SLC44A2: variants seen among roughly 807,000 people sequenced by gnomAD.
SLC44A2 encodes solute carrier family 44 member 2 (CTL2 blood group).
Under a neutral mutation model 90.8 loss-of-function variants are expected in SLC44A2, and 57 were observed. That is an observed-to-expected ratio of 0.63 (90% CI 0.51 to 0.78). The LOEUF (loss-of-function observed/expected upper bound fraction) is 0.78. SLC44A2 is among the 30% of genes least tolerant of loss of function. SLC44A2 has a pLI of 0.00. For synonymous variants in SLC44A2, 355 were observed against 360.7 expected (o/e 0.98, Z 0.18); for missense variants, 794 against 919.7 (o/e 0.86, Z 1.77).
At chr19:10,635,763 TC>T (rs2067047836) in intron 14 of SLC44A2, 2 of 396,780 alleles carry the variant, frequency 5.0e-6, no homozygotes, top group Non-Finnish European at 8.9e-6. Flanking sequence ...CACCCATTTT[TC>T]CCTACTTCCT....
intron 4 of SLC44A2, among the ~76,000 whole-genome samples, chr19:10,630,846 A>G (rs957063099): frequency 6.7e-6 from 1 of 149,218 alleles, no homozygotes; most frequent in Non-Finnish European, 1.5e-5. Flanking sequence ...CTCTACTAAA[A>G]ATACAAAAAT....
At position 10,643,361 on chromosome 19, in the gene SLC44A2, C is replaced by G. The variant is rs141422864; in HGVS notation, c.2097C>G (p.Thr699=). ...SSTLKKLLNK[T]NKKAAES Reference sequence around the variant, plus strand: ...CCCTCAAGAAACTCTTGAACAAGACCAACAAGAAGGCAGCGGAGTCCTGAA... The same window carrying G: ...CCCTCAAGAAACTCTTGAACAAGACGAACAAGAAGGCAGCGGAGTCCTGAA... The change falls in exon 22 of 22, where the codon ACC becomes ACG. Residue 699 remains threonine, a synonymous_variant. Coordinates refer to ENST00000335757, the MANE Select transcript of SLC44A2 (RefSeq NM_020428.4). 105 of 1,612,884 alleles carry G rather than the reference C, an allele frequency of 6.5e-5. No individual in the cohort carries two copies. The African/African-American group carries it at 9.7e-4, about 15-fold the overall frequency.
At chr19:10,615,498 C>T (rs986160702) in intron 1 of SLC44A2, among the ~76,000 whole-genome samples, 7 of 151,202 alleles carry the variant, frequency 4.6e-5, no homozygotes, top group African/African-American at 9.7e-5. Flanking sequence ...CGCTTAAACC[C>T]GGGAGGCGGA....
upstream of SLC44A2, chr19:10,625,486 G>C: frequency 4.9e-6 from 6 of 1,219,530 alleles, no homozygotes; most frequent in African/African-American, 9.4e-5. Context: ...AGCTCGGGCC[G>C]GTCTGACCGG....
At chr19:10,623,102 A>G (rs76763645), upstream of SLC44A2, among the ~76,000 whole-genome samples, 1 of 151,982 alleles carries the variant, frequency 6.6e-6, no homozygotes, top group Non-Finnish European at 1.5e-5. Flanking sequence ...GGAAGAGAAG[A>G]GGCCTGTGGC....
chr19:10,632,206 C>G, intron 10 of SLC44A2, 50 bp downstream of exon 10: 1 of 1,507,058 alleles, frequency 6.6e-7, no homozygotes, highest in South Asian at 1.1e-5. Context: ...CGCACACTGC[C>G]CTGCCCTTTC....
chr19:10,628,518 C>A (rs902856369), intron 4 of SLC44A2, among the ~76,000 whole-genome samples: 6 of 152,096 alleles, frequency 3.9e-5, no homozygotes, highest in Non-Finnish European at 7.4e-5. Context: ...TACCATTGCA[C>A]TCCAGCCTGG....
chr19:10,605,939 A>G (rs951276812), intron 1 of SLC44A2, among the ~76,000 whole-genome samples: 1 of 152,092 alleles, frequency 6.6e-6, no homozygotes, highest in African/African-American at 2.4e-5. Context: ...GGTTGCAGTG[A>G]GCTGAGATGG....
At chr19:10,630,843 A>G (rs781278542) in intron 4 of SLC44A2, among the ~76,000 whole-genome samples, 1 of 150,914 alleles carries the variant, frequency 6.6e-6, no homozygotes, top group Non-Finnish European at 1.5e-5. Flanking sequence ...CATCTCTACT[A>G]AAAATACAAA....
upstream of SLC44A2, chr19:10,602,505 A>C: frequency 1.6e-6 from 2 of 1,256,974 alleles, no homozygotes; most frequent in Non-Finnish European, 2.0e-6. Flanking sequence ...GCTGGCTCGG[A>C]CTCCGCTCCC....
At chr19:10,615,609 T>G (rs1599232206) in intron 1 of SLC44A2, among the ~76,000 whole-genome samples, 2 of 146,310 alleles carry the variant, frequency 1.4e-5, no homozygotes, top group African/African-American at 2.6e-5. Context: ...TTGAGTGAGC[T>G]GAGGAGGAAG....
At chr19:10,632,707 T>C (rs2067010748) in intron 10 of SLC44A2, among the ~76,000 whole-genome samples, 1 of 151,672 alleles carries the variant, frequency 6.6e-6, no homozygotes, top group African/African-American at 2.4e-5. Context: ...AGTTCTGTTC[T>C]TGTCACCCAG....
At position 10,631,850 on chromosome 19, in the gene SLC44A2, T is replaced by C. The variant is rs748101225; in HGVS notation, c.627-18T>C. On this transcript the variant is annotated intron_variant, in intron 8 of 21. Transcript: ENST00000335757. ...CATGGAAGAGGGTCTGACCCGAGCC[T>C]TGTCCTCCTTCCCCCAGGAAAGCCA... The C allele has an allele frequency of 1.2e-6, 2 of 1,614,222 alleles. No homozygotes were observed. Among genetic ancestry groups the C allele is most frequent in the Non-Finnish European group, 1.7e-6 (2 of 1,180,026 alleles).
At chr19:10,624,350 T>C (rs2066913463), upstream of SLC44A2, among the ~76,000 whole-genome samples, 1 of 150,456 alleles carries the variant, frequency 6.6e-6, no homozygotes, top group African/African-American at 2.5e-5. Context: ...GTCCCCCAGG[T>C]TGGAGTGCAG....
intron 4 of SLC44A2, among the ~76,000 whole-genome samples, chr19:10,628,544 C>T (rs1158740389): frequency 6.6e-6 from 1 of 152,050 alleles, no homozygotes; most frequent in Non-Finnish European, 1.5e-5. Context: ...AGAGCGAGAC[C>T]TGGTCTCAAC....
intron 1 of SLC44A2, among the ~76,000 whole-genome samples, chr19:10,605,712 G>T (rs1367820517): frequency 6.6e-6 from 1 of 151,258 alleles, no homozygotes; most frequent in Non-Finnish European, 1.5e-5. Flanking sequence ...CTCTTGGCCA[G>T]GCAAGGATTA....
intron 4 of SLC44A2, among the ~76,000 whole-genome samples, chr19:10,629,720 C>T (rs2066973302): frequency 6.6e-6 from 1 of 151,788 alleles, no homozygotes; most frequent in Non-Finnish European, 1.5e-5. Flanking sequence ...TGGCACAAGA[C>T]AGGCCTGAGC....
intron 16 of SLC44A2, 94 bp downstream of exon 16, chr19:10,636,850 A>G (rs2067062012): frequency 4.7e-6 from 6 of 1,273,726 alleles, no homozygotes; most frequent in South Asian, 1.4e-5. Flanking sequence ...GGGCGGGGCC[A>G]AGATAATAGA....
chr19:10,629,153 G>A (rs1002407486), intron 4 of SLC44A2, among the ~76,000 whole-genome samples: 11 of 148,740 alleles, frequency 7.4e-5, no homozygotes, highest in South Asian at 2.1e-4. Flanking sequence ...GCAATGAGCC[G>A]AGATCGTGCC....
Sources: allele counts gnomAD v4.1 joint callset (sites outside exome capture counted in the v4.1 genomes callset), GRCh38; gene constraint gnomAD v4.1.1; transcripts MANE v1.5; gene names NCBI Gene and HGNC (gene_info 2026-07-23, HGNC 2026-07-21).